KCNK10: variants seen among roughly 807,000 people sequenced by gnomAD.
KCNK10 encodes the protein potassium two pore domain channel subfamily K member 10.
KCNK10 carries 25 observed loss-of-function variants against 47.7 expected under a neutral mutation model. The observed-to-expected ratio is 0.52, with a 90% CI of 0.38 to 0.73. The LOEUF (loss-of-function observed/expected upper bound fraction) is 0.73. Among genes scored for constraint, KCNK10 ranks in the 30% least tolerant of loss-of-function variants. KCNK10 has a pLI of 0.00. For missense variants in KCNK10, 563 were observed against 714.5 expected (o/e 0.79, Z 2.42); for synonymous variants, 303 against 285.6 (o/e 1.06, Z -0.61).
chr14:88,215,016 T>G (rs151257346), intron 4 of KCNK10, among the ~76,000 whole-genome samples: 2 of 152,320 alleles, frequency 1.3e-5, no homozygotes, highest in African/African-American at 4.8e-5. Flanking sequence ...CTGTCATTTA[T>G]GGGCTGTGTG....
At chr14:88,282,991 T>C (rs74069533) in intron 1 of KCNK10, among the ~76,000 whole-genome samples, 95 of 152,372 alleles carry the variant, frequency 6.2e-4, no homozygotes, top group African/African-American at 2.1e-3. Context: ...TGTCAAACTG[T>C]GGTCTCTCTG....
At chr14:88,270,723 C>T (rs1345424586) in intron 1 of KCNK10, 1 of 781,010 alleles carries the variant, frequency 1.3e-6, no homozygotes, top group Non-Finnish European at 2.4e-6. Context: ...AGTCCAGAAC[C>T]CCATCTTCTC....
intron 4 of KCNK10, among the ~76,000 whole-genome samples, chr14:88,194,266 C>T (rs999785182): frequency 4.6e-5 from 7 of 152,132 alleles, no homozygotes; most frequent in African/African-American, 1.7e-4. Context: ...CATAAATTTC[C>T]ATGTTGGATA....
intron 4 of KCNK10, among the ~76,000 whole-genome samples, chr14:88,202,523 T>C (rs1424953567): frequency 3.9e-5 from 6 of 152,146 alleles, no homozygotes; most frequent in Non-Finnish European, 7.4e-5. Flanking sequence ...CATGCAGATG[T>C]AACAGGGTTA....
intron 4 of KCNK10, among the ~76,000 whole-genome samples, chr14:88,223,859 T>C (rs184612087): frequency 3.9e-4 from 59 of 152,260 alleles, no homozygotes; most frequent in Non-Finnish European, 2.6e-4. Flanking sequence ...TAGTTTAATA[T>C]GTTATTTGGT....
chr14:88,294,012 C>G (rs570213140), intron 1 of KCNK10, among the ~76,000 whole-genome samples: 1 of 152,258 alleles, frequency 6.6e-6, no homozygotes, highest in South Asian at 2.1e-4. Context: ...TTCTCTACAT[C>G]ATTCTCTCAG....
chr14:88,244,635 T>C (rs1886577117), intron 2 of KCNK10, among the ~76,000 whole-genome samples: 1 of 151,718 alleles, frequency 6.6e-6, no homozygotes, highest in Non-Finnish European at 1.5e-5. Context: ...GCTACTGCAC[T>C]CCAGCCTGGG....
chr14:88,291,774 T>C (rs1887884863), intron 1 of KCNK10, among the ~76,000 whole-genome samples: 1 of 152,104 alleles, frequency 6.6e-6, no homozygotes, highest in East Asian at 1.9e-4. Flanking sequence ...TGGCCTGTAA[T>C]GCAGGCTGAG....
chr14:88,231,946 T>C (rs78079519), intron 3 of KCNK10, among the ~76,000 whole-genome samples: 8,699 of 152,320 alleles, frequency 0.057, 642 homozygotes, highest in African/African-American at 0.17. Context: ...AGTGTGTCTA[T>C]ACACATTCTA....
At chr14:88,275,693 C>CAAAAAAAAAAAA (rs71126972) in intron 1 of KCNK10, among the ~76,000 whole-genome samples, 3 of 71,970 alleles carry the variant, frequency 4.2e-5, no homozygotes, top group African/African-American at 5.3e-5. Context: ...GCTAAAAATA[C>CAAAAAAAAAAAA]AAAAAAAAAA....
chr14:88,228,036 G>A (rs932275368), intron 3 of KCNK10, among the ~76,000 whole-genome samples: 32 of 152,144 alleles, frequency 2.1e-4, no homozygotes, highest in African/African-American at 7.5e-4. Flanking sequence ...AAGGACTCAT[G>A]AATTGTACAG....
chr14:88,216,301 C>T (rs530006367), intron 4 of KCNK10, among the ~76,000 whole-genome samples: 1 of 152,114 alleles, frequency 6.6e-6, no homozygotes, highest in African/African-American at 2.4e-5. Flanking sequence ...GGGACCAGGG[C>T]ATGCACCTGG....
At position 88,188,832 on chromosome 14, in the gene KCNK10, G is replaced by A. The variant is rs183401973; in HGVS notation, c.869-723C>T. On this transcript the variant is annotated intron_variant, in intron 5 of 6. Transcript: ENST00000319231. Reference sequence around the variant, plus strand: ...AGTTGCCTGATTGCATTGACTGGCTGTTCCATTGAAAGGACCAGTCATTTA... The same window carrying A: ...AGTTGCCTGATTGCATTGACTGGCTATTCCATTGAAAGGACCAGTCATTTA... 3.9e-5 allele frequency among the ~76,000 whole-genome samples: 6 copies of A among 152,308 alleles called. No homozygotes were observed. In the East Asian group the frequency reaches 1.2e-3, roughly 29 times the overall value.
intron 3 of KCNK10, among the ~76,000 whole-genome samples, chr14:88,228,311 A>T (rs1038872938): frequency 7.3e-6 from 1 of 137,126 alleles, no homozygotes; most frequent in African/African-American, 2.9e-5. Context: ...TAGTGCTTTG[A>T]AAATACCCGC....
chr14:88,242,276 T>C lies in KCNK10; in HGVS notation c.403-1456A>G, dbSNP rs143325853. Among the ~76,000 whole-genome samples, 582 of 152,362 alleles carry C rather than the reference T, an allele frequency of 3.8e-3. 6 individuals carry two copies. Among genetic ancestry groups the C allele is most frequent in the African/African-American group, 0.013 (557 of 41,588 alleles). ...TTCATCTGAGTTATTTCAAACACTC[T>C]GAACCAGGGATCAACAACTTTTTCC... On this transcript the variant is annotated intron_variant, in intron 2 of 6. Transcript: ENST00000319231.
At chr14:88,221,222 A>G (rs1885799328) in intron 4 of KCNK10, among the ~76,000 whole-genome samples, 1 of 151,748 alleles carries the variant, frequency 6.6e-6, no homozygotes, top group Admixed American at 6.6e-5. Context: ...GAATCACTTG[A>G]ACCTGGGAGG....
intron 3 of KCNK10, among the ~76,000 whole-genome samples, chr14:88,228,242 T>C (rs1204736664): frequency 1.3e-5 from 2 of 152,220 alleles, no homozygotes; most frequent in Admixed American, 6.5e-5. Flanking sequence ...AGTTTATTGA[T>C]GGATGTTTGA....
At chr14:88,310,533 T>C (rs1888306094) in intron 1 of KCNK10, among the ~76,000 whole-genome samples, 1 of 152,094 alleles carries the variant, frequency 6.6e-6, no homozygotes, top group South Asian at 2.1e-4. Context: ...GCTCCTCAAA[T>C]CCCACCCCCT....
chr14:88,266,054 T>A (rs1332104572), intron 1 of KCNK10, among the ~76,000 whole-genome samples: 5 of 152,206 alleles, frequency 3.3e-5, no homozygotes, highest in Non-Finnish European at 5.9e-5. Context: ...TGTGCCCTTG[T>A]CCAGCACTCC....
Sources: allele counts gnomAD v4.1 joint callset (sites outside exome capture counted in the v4.1 genomes callset), GRCh38; gene constraint gnomAD v4.1.1; transcripts MANE v1.5; gene names NCBI Gene and HGNC (gene_info 2026-07-23, HGNC 2026-07-21).